Variants in ALDH18A1 observed in about 807,000 individuals in gnomAD.
ALDH18A1 encodes aldehyde dehydrogenase 18 family member A1.
In ALDH18A1, 44 loss-of-function variants were observed where a neutral mutation model predicts 88.8. The observed-to-expected ratio is 0.50, with a 90% confidence interval of 0.39 to 0.64. The LOEUF is 0.64. ALDH18A1 is among the 30% of genes least tolerant of loss of function. The pLI is 0.00. For synonymous variants in ALDH18A1, 331 were observed against 372.1 expected (o/e 0.89, Z 1.27); for missense variants, 782 against 1,009.5 (o/e 0.77, Z 3.05).
intron 2 of ALDH18A1, among the ~76,000 whole-genome samples, chr10:95,652,003 A>G (rs2097911152): frequency 6.6e-6 from 1 of 152,248 alleles, no homozygotes; most frequent in Non-Finnish European, 1.5e-5. Context: ...GAATGGTTAC[A>G]CTAACTGTGA....
intron 2 of ALDH18A1, among the ~76,000 whole-genome samples, chr10:95,644,017 C>T (rs555625744): frequency 9.2e-5 from 14 of 152,232 alleles, no homozygotes; most frequent in Non-Finnish European, 1.3e-4. Context: ...GTGGTGGGCA[C>T]CTATAATCCC....
chr10:95,636,399 T>A (rs927797222), intron 5 of ALDH18A1, among the ~76,000 whole-genome samples: 1 of 152,196 alleles, frequency 6.6e-6, no homozygotes, highest in African/African-American at 2.4e-5. Context: ...TGTGTAGTTG[T>A]ACAGTTGATT....
intron 1 of ALDH18A1, among the ~76,000 whole-genome samples, chr10:95,654,702 A>G (rs1453553729): frequency 6.6e-6 from 1 of 150,594 alleles, no homozygotes; most frequent in East Asian, 1.9e-4. Flanking sequence ...AACATATGGC[A>G]TCTAGTAGGC....
chr10:95,606,543 A>C lies in ALDH18A1; in HGVS notation c.*219T>G. ...ACTTGGCAAAGTCCCTATCGGTAGC[A>C]ACTATTTTCTTACTTTAAAAAAAAA... On this transcript the variant is annotated 3_prime_UTR_variant, in exon 18 of 18. Transcript: ENST00000371224. 7.0e-7 allele frequency: 1 copy of C among 1,424,130 alleles called. No individual in the cohort carries two copies. Among genetic ancestry groups the C allele is most frequent in the South Asian group, 1.5e-5 (1 of 68,096 alleles). The allele number at this position is 1,424,130 out of a possible 1,614,324, so 88.2% of individuals were successfully genotyped here.
chr10:95,652,266 G>A (rs1589579537), intron 2 of ALDH18A1, among the ~76,000 whole-genome samples: 1 of 152,232 alleles, frequency 6.6e-6, no homozygotes, highest in East Asian at 1.9e-4. Flanking sequence ...ATCCTGTGGT[G>A]ATTGAAATGT....
intron 7 of ALDH18A1, among the ~76,000 whole-genome samples, chr10:95,632,131 A>T (rs2097871269): frequency 6.6e-6 from 1 of 152,242 alleles, no homozygotes; most frequent in South Asian, 2.1e-4. Flanking sequence ...ACAAAGGGCC[A>T]CCATAGTATA....
At position 95,621,099 on chromosome 10, in the gene ALDH18A1, C is replaced by T; in HGVS notation, c.1399G>A (p.Glu467Lys). The T allele has an allele frequency of 6.2e-7, 1 of 1,614,090 alleles. No individual in the cohort carries two copies. The highest frequency in any genetic ancestry group is 1.7e-5 in the Admixed American group (1 of 60,006). The change falls in exon 12 of 18, where the codon GAA (glutamate) becomes AAA (lysine). Residue 467 changes from glutamate (E) to lysine (K), a missense_variant. Physicochemically the swap from Glu to Lys is moderately conservative, Grantham distance 56 (BLOSUM62 1). Around this residue, in one of 3 missense-constraint regions of ALDH18A1, gnomAD observed 556 missense variants for 654.5 expected, o/e 0.85. Transcript: ENST00000371224. ...ACTCCAATTGGGACAGTCACTTGTT[C>T]CAGTTCCAAGTTTTTGGCGATTCGG... is the stretch of plus-strand genomic sequence containing the variant. ...RTRIAKNLELEQVTVPIGVLL... is the reference protein window; with the variant it reads ...RTRIAKNLELKQVTVPIGVLL...
At chr10:95,633,834 T>TTTTTG (rs2097875534) in intron 5 of ALDH18A1, among the ~76,000 whole-genome samples, 185 bp from the exon 6 acceptor site, 1 of 146,984 alleles carries the variant, frequency 6.8e-6, no homozygotes, top group African/African-American at 2.5e-5. Context: ...TTTTTTTTTT[T>TTTTTG]GAGACAGGGT....
In ALDH18A1 at chr10:95,613,979, C is replaced by A. The variant is rs764910330; in HGVS notation, c.1788G>T (p.Lys596Asn). Residue 596 changes from lysine (K) to asparagine (N), a missense_variant, in exon 14 of 18, where the codon AAG (lysine) becomes AAT (asparagine). Physicochemically the swap from Lys to Asn is moderately conservative, Grantham distance 94. Transcript: ENST00000371224. Reference protein sequence around the residue: ...MYVDSEASVDKVTRLVRDSKC... With the variant: ...MYVDSEASVDNVTRLVRDSKC... Reference sequence around the variant, plus strand: ...CATCCAGCTCACCTAGCCTGGTGACCTTATCAACACTGGCCTCGGAATCCA... The same window carrying A: ...CATCCAGCTCACCTAGCCTGGTGACATTATCAACACTGGCCTCGGAATCCA... The A allele has an allele frequency of 6.2e-6, 10 of 1,614,206 alleles. No individual in the cohort carries two copies. The highest frequency in any genetic ancestry group is 6.8e-6 in the Non-Finnish European group (8 of 1,180,032).
intron 2 of ALDH18A1, among the ~76,000 whole-genome samples, chr10:95,649,089 G>T (rs929735734): frequency 1.3e-5 from 2 of 152,184 alleles, no homozygotes; most frequent in Admixed American, 1.3e-4. Flanking sequence ...TAAGATTTAG[G>T]TGATATCAAG....
In ALDH18A1 at chr10:95,653,209, T is replaced by G. The variant is rs2097913147; in HGVS notation, c.88+81A>C. 3 of 1,332,434 alleles carry G rather than the reference T, an allele frequency of 2.3e-6. No homozygotes were observed. The South Asian group carries it at 3.5e-5, about 16-fold the overall frequency. 82.5% of individuals were successfully genotyped at this position (1,332,434 alleles called of 1,614,324 possible). ...TCTCCAAACAAACAAACAAACATCT[T>G]TTTTCTCTTTGAAAACCTTGTTGAA... On this transcript the variant is annotated intron_variant, in intron 2 of 17. Coordinates refer to ENST00000371224, the MANE Select transcript of ALDH18A1 (RefSeq NM_002860.4).
rs1244067338 is a variant in ALDH18A1 at position 95,616,545 on chromosome 10, T to A, written c.1537A>T (p.Asn513Tyr). ...TGGGTCAGGAGGTGGAGAATCCGGT[T>A]GCTGTGTGCAGCCTCCTTCCCTCCT... ...LKGGKEAAHS[N>Y]RILHLLTQEA... Residue 513 changes from asparagine (N) to tyrosine (Y), a missense_variant, in exon 13 of 18, where the codon AAC (asparagine) becomes TAC (tyrosine). By Grantham distance (143) the Asn-to-Tyr change is moderately radical (BLOSUM62 -2). Around this residue, in one of 3 missense-constraint regions of ALDH18A1, gnomAD observed 556 missense variants for 654.5 expected, o/e 0.85. Transcript: ENST00000371224. The A allele has an allele frequency of 6.3e-7, 1 of 1,596,034 alleles. No homozygotes were observed. The highest frequency in any genetic ancestry group is 8.5e-7 in the Non-Finnish European group (1 of 1,171,018).
intron 7 of ALDH18A1, among the ~76,000 whole-genome samples, chr10:95,629,662 A>G (rs2097865254): frequency 1.3e-5 from 2 of 152,186 alleles, no homozygotes; most frequent in Admixed American, 1.3e-4. Context: ...GAAAGATTGG[A>G]CAATTCTAGC....
At chr10:95,610,387 G>A in intron 16 of ALDH18A1, 95 bp from the exon 17 acceptor site, 3 of 1,207,932 alleles carry the variant, frequency 2.5e-6, no homozygotes, top group East Asian at 5.0e-5. Context: ...GGCAGGGTCT[G>A]GGTCCCCACT....
At position 95,625,450 on chromosome 10, in the gene ALDH18A1, T is replaced by A; in HGVS notation, c.1158A>T (p.Ala386=). The A allele has an allele frequency of 6.2e-7, 1 of 1,613,734 alleles. No homozygotes were observed. Among genetic ancestry groups the A allele is most frequent in the Non-Finnish European group, 8.5e-7 (1 of 1,179,716 alleles). The change falls in exon 11 of 18, where the codon GCA becomes GCT. Residue 386 remains alanine (A), a synonymous_variant. Coordinates refer to ENST00000371224, the MANE Select transcript of ALDH18A1 (RefSeq NM_002860.4). The part of the protein sequence containing the change: ...MLATLEPEQR[A]EIIHHLADLL... ...GATCAGCCAGATGATGGATAATTTCTGCTCTCTAGAAGAAAGGTACACCAT... is the reference window on the plus strand; with the variant it reads ...GATCAGCCAGATGATGGATAATTTCAGCTCTCTAGAAGAAAGGTACACCAT...
intron 5 of ALDH18A1, among the ~76,000 whole-genome samples, chr10:95,635,047 A>G (rs1730809359): frequency 6.6e-6 from 1 of 152,200 alleles, no homozygotes; most frequent in South Asian, 2.1e-4. Context: ...ACATACATAT[A>G]GAAAAATAAT....
intron 2 of ALDH18A1, among the ~76,000 whole-genome samples, chr10:95,651,344 G>A (rs1410637224): frequency 6.6e-6 from 1 of 152,164 alleles, no homozygotes; most frequent in African/African-American, 2.4e-5. Context: ...CAGAGAAAGT[G>A]CATCACTCAT....
chr10:95,617,885 G>C (rs1359224608), intron 12 of ALDH18A1, among the ~76,000 whole-genome samples: 2 of 152,102 alleles, frequency 1.3e-5, no homozygotes, highest in South Asian at 4.2e-4. Context: ...AGTCATCACT[G>C]GGGCATTTCT....
rs559116603 is a variant in ALDH18A1, at chr10:95,613,582, G to A, written c.1923+160C>T. ...TTGGTTCGACTACTAGAGGGCAGGG[G>A]TTGTGTTTTACTCACACTTTACTTA... On this transcript the variant is annotated intron_variant, in intron 15 of 17. Coordinates refer to ENST00000371224, the MANE Select transcript of ALDH18A1 (RefSeq NM_002860.4). 3.3e-5 allele frequency among the ~76,000 whole-genome samples: 5 copies of A among 152,300 alleles called. No individual in the cohort carries two copies. In the East Asian group the frequency reaches 7.7e-4, roughly 24 times the overall value.
Sources: gnomAD v4.1 joint callset for allele counts (sites outside exome capture counted in the v4.1 genomes callset) on GRCh38, gnomAD v4.1.1 for gene constraint, gnomAD v4.1.1 regional missense constraint, MANE v1.5 for transcripts, NCBI Gene and HGNC (gene_info 2026-07-23, HGNC 2026-07-21) for gene names.